Variants in ZNF738 observed in about 807,000 individuals in gnomAD.
ZNF738 encodes protein ZNF738.
ZNF738 carries 10 observed loss-of-function variants against 9.2 expected under a neutral mutation model. The ratio of observed to expected loss-of-function variants is 1.09; its 90% CI spans 0.67 to 1.85. The LOEUF (loss-of-function observed/expected upper bound fraction) is 1.85. ZNF738 is among the 40% of genes most tolerant of loss of function. The probability of loss-of-function intolerance (pLI) is 0.00; values close to 1 mark genes in which losing one functional copy is unlikely to be tolerated. For missense variants in ZNF738, 346 were observed against 283.6 expected, an observed-to-expected ratio of 1.22 and a Z score of -1.58; for synonymous variants, 113 against 94.5, an observed-to-expected ratio of 1.20 and a Z score of -1.14.
In ZNF738 at chr19:21,383,747, A is replaced by C. The variant is rs143139069; in HGVS notation, c.*73A>C. 7.9e-4 allele frequency: 882 copies of C among 1,114,926 alleles called. 3 individuals are homozygous for C. In the African/African-American group the frequency reaches 0.01, roughly 13 times the overall value. 69.1% of individuals were successfully genotyped at this position (1,114,926 alleles called of 1,614,324 possible). ...AATTCATACTGAAGAGAAACCCTAC[A>C]AATGTGAGGAATGTGGCAAAGCTTT... is the stretch of plus-strand genomic sequence containing the variant. On this transcript the variant is annotated 3_prime_UTR_variant, in exon 5 of 5. Coordinates refer to ENST00000683779, the MANE Select transcript of ZNF738 (RefSeq NM_001355237.2).
At chr19:21,376,081 G>A in intron 4 of ZNF738, 117 bp downstream of exon 4, 2 of 521,866 alleles carry the variant, frequency 3.8e-6, no homozygotes, top group South Asian at 6.0e-5. Context: ...AATAGATTCT[G>A]GGAAGCCTGA....
At chr19:21,381,021 C>T (rs766345619) in intron 4 of ZNF738, among the ~76,000 whole-genome samples, 5 of 152,216 alleles carry the variant, frequency 3.3e-5, no homozygotes, top group Non-Finnish European at 7.3e-5. Flanking sequence ...GTGATGGCTT[C>T]TCATTTTCTG....
Position 21,386,537 on chromosome 19 carries a change from C to A in ZNF738, c.*2863C>A. ...GAATGTGGCAAAGCTTTTAACCAGT[C>A]CTACAAACCTTTTTGAACAAAATAA... is the stretch of plus-strand genomic sequence containing the variant. On this transcript the variant is annotated 3_prime_UTR_variant, in exon 5 of 5. Coordinates refer to ENST00000683779, the MANE Select transcript of ZNF738 (RefSeq NM_001355237.2). 2.7e-6 allele frequency: 1 copy of A among 364,916 alleles called. No homozygotes were observed. The highest frequency in any genetic ancestry group is 2.7e-5 in the South Asian group (1 of 37,718). 22.6% of individuals were successfully genotyped at this position (364,916 alleles called of 1,614,324 possible).
intron 2 of ZNF738, among the ~76,000 whole-genome samples, chr19:21,366,272 G>C (rs1184472105): frequency 6.6e-6 from 1 of 152,134 alleles, no homozygotes; most frequent in Non-Finnish European, 1.5e-5. Context: ...CTACATCTTA[G>C]GAAGGACTAT....
At chr19:21,379,410 AT>A (rs1296252630) in intron 4 of ZNF738, 2 of 152,212 alleles carry the variant, frequency 1.3e-5, no homozygotes, top group Non-Finnish European at 2.9e-5. Context: ...TATTCTTACA[AT>A]GTGTCTTGCC....
chr19:21,362,300 A>T (rs1944916478), intron 2 of ZNF738, among the ~76,000 whole-genome samples: 1 of 152,154 alleles, frequency 6.6e-6, no homozygotes, highest in Non-Finnish European at 1.5e-5. Flanking sequence ...AAAAAGAGTA[A>T]AAAACAGTGA....
intron 2 of ZNF738, among the ~76,000 whole-genome samples, chr19:21,370,641 A>G (rs1300073109): frequency 3.9e-5 from 6 of 152,190 alleles, no homozygotes; most frequent in East Asian, 1.9e-4. Context: ...CAAGTTTACA[A>G]TCCTCAAGCT....
At chr19:21,377,394 G>A in intron 4 of ZNF738, 2 of 702,844 alleles carry the variant, frequency 2.8e-6, no homozygotes, top group Non-Finnish European at 5.2e-6. Flanking sequence ...TACAGAAAGT[G>A]GGGTATTGAA....
At chr19:21,382,129 G>A (rs1243019384) in intron 4 of ZNF738, among the ~76,000 whole-genome samples, 1 of 131,826 alleles carries the variant, frequency 7.6e-6, no homozygotes, top group African/African-American at 2.9e-5. Context: ...GCAATGGTGT[G>A]ATTTTGACTC....
chr19:21,368,824 C>T (rs1372452833), intron 2 of ZNF738, among the ~76,000 whole-genome samples: 2 of 152,076 alleles, frequency 1.3e-5, no homozygotes, highest in Non-Finnish European at 2.9e-5. Context: ...GCAACCTCCA[C>T]CTCCCAAGTT....
At chr19:21,380,235 AG>A (rs1490087566) in intron 4 of ZNF738, among the ~76,000 whole-genome samples, 2 of 152,244 alleles carry the variant, frequency 1.3e-5, no homozygotes, top group African/African-American at 4.8e-5. Context: ...TTCACATAAA[AG>A]GGTTTTAAAA....
In ZNF738 at chr19:21,382,014, T is replaced by C. The variant is rs181886884; in HGVS notation, c.320-852T>C. ...TGGCAGGTGCATTCTACTTGTGTTT[T>C]TTAAAATACATATATAAAATGTTGG... On this transcript the variant is annotated intron_variant, in intron 4 of 4. Coordinates refer to ENST00000683779, the MANE Select transcript of ZNF738 (RefSeq NM_001355237.2). 1.7e-3 allele frequency: 307 copies of C among 182,692 alleles called. 3 individuals are homozygous for C. The highest frequency in any genetic ancestry group is 5.0e-4 in the Non-Finnish European group (40 of 80,014). 11.3% of individuals were successfully genotyped at this position (182,692 alleles called of 1,614,324 possible). A position where few individuals can be genotyped will look rare whatever the true frequency, so the allele number is the denominator to read the frequency against.
intron 2 of ZNF738, among the ~76,000 whole-genome samples, chr19:21,367,230 T>G (rs1395406423): frequency 6.6e-6 from 1 of 152,232 alleles, no homozygotes; most frequent in East Asian, 1.9e-4. Flanking sequence ...TCCTATACAT[T>G]TCTTCTATTT....
rs1974094086 is a variant in ZNF738, at chr19:21,388,512, T to C, written c.*4838T>C. On this transcript the variant is annotated 3_prime_UTR_variant, in exon 5 of 5. Transcript: ENST00000683779. Reference sequence around the variant, plus strand: ...TTTTGCATTATGAGAAAACTAGTAGTATATTATTAGTATATTATTGTACTA... The same window carrying C: ...TTTTGCATTATGAGAAAACTAGTAGCATATTATTAGTATATTATTGTACTA... Among the ~76,000 whole-genome samples, 1 of 152,134 alleles carries C rather than the reference T, an allele frequency of 6.6e-6. No individual in the cohort carries two copies. The highest frequency in any genetic ancestry group is 2.1e-4 in the South Asian group (1 of 4,836).
chr19:21,373,082 T>G (rs1973877703), intron 2 of ZNF738, among the ~76,000 whole-genome samples: 1 of 152,168 alleles, frequency 6.6e-6, no homozygotes, highest in Non-Finnish European at 1.5e-5. Context: ...CGGGACTTGT[T>G]TGAAACACCC....
chr19:21,367,348 A>C (rs1568367350), intron 2 of ZNF738, among the ~76,000 whole-genome samples: 1 of 152,182 alleles, frequency 6.6e-6, no homozygotes. Flanking sequence ...GAAAGGGCTC[A>C]GGAGTCCCCA....
In ZNF738 at chr19:21,387,535, C is replaced by T. The variant is rs1974081175; in HGVS notation, c.*3861C>T. Reference sequence around the variant, plus strand: ...TAATTCATACTGGAAAGAAATCCTACAAGTGAGAGCAATGTGGCAAAACTT... The same window carrying T: ...TAATTCATACTGGAAAGAAATCCTATAAGTGAGAGCAATGTGGCAAAACTT... On this transcript the variant is annotated 3_prime_UTR_variant, in exon 5 of 5. Coordinates refer to ENST00000683779, the MANE Select transcript of ZNF738 (RefSeq NM_001355237.2). Among the ~76,000 whole-genome samples the T allele has an allele frequency of 6.6e-6, 1 of 152,140 alleles. No homozygotes were observed. The highest frequency in any genetic ancestry group is 2.4e-5 in the African/African-American group (1 of 41,438).
chr19:21,363,563 A>G (rs1183763045), intron 2 of ZNF738, among the ~76,000 whole-genome samples: 1 of 152,160 alleles, frequency 6.6e-6, no homozygotes, highest in Non-Finnish European at 1.5e-5. Context: ...TAGACTTTGT[A>G]ATATGTTATA....
intron 2 of ZNF738, among the ~76,000 whole-genome samples, chr19:21,366,073 G>A (rs2968026): frequency 9.9e-5 from 15 of 152,214 alleles, no homozygotes; most frequent in African/African-American, 2.4e-4. Context: ...CAAAAGGGTC[G>A]TTTCCAGAAG....
Sources: allele counts gnomAD v4.1 joint callset (sites outside exome capture counted in the v4.1 genomes callset), GRCh38; gene constraint gnomAD v4.1.1; transcripts MANE v1.5; gene names NCBI Gene and HGNC (gene_info 2026-07-23, HGNC 2026-07-21).